Variants in GPC6 observed in about 807,000 individuals in gnomAD.
The protein encoded by GPC6 is glypican 6.
In GPC6, 14 loss-of-function variants were observed where a neutral mutation model predicts 55.2. That is an observed-to-expected ratio of 0.25 (90% CI 0.17 to 0.40). The LOEUF (loss-of-function observed/expected upper bound fraction) is 0.40, where lower values mean the gene tolerates loss of function less well. GPC6 is among the 10% of genes least tolerant of loss of function. The pLI, the probability that GPC6 is intolerant of heterozygous loss-of-function variation, is 1.00. For missense variants in GPC6, 641 were observed against 708.5 expected (o/e 0.90, Z 1.08); for synonymous variants, 278 against 259.6 (o/e 1.07, Z -0.68).
intron 4 of GPC6, among the ~76,000 whole-genome samples, chr13:94,246,998 T>C (rs1891217037): frequency 6.6e-6 from 1 of 152,136 alleles, no homozygotes; most frequent in Non-Finnish European, 1.5e-5. Flanking sequence ...GCATCGAATA[T>C]CTTTTCATTT....
intron 1 of GPC6, among the ~76,000 whole-genome samples, chr13:93,454,675 A>G (rs1398240569): frequency 6.6e-6 from 1 of 152,196 alleles, no homozygotes; most frequent in African/African-American, 2.4e-5. Context: ...TGAGCTAGAC[A>G]TAAAGGTTCT....
intron 6 of GPC6, among the ~76,000 whole-genome samples, chr13:94,318,981 T>A (rs1013344961): frequency 6.6e-6 from 1 of 152,144 alleles, no homozygotes; most frequent in Non-Finnish European, 1.5e-5. Context: ...TTTAAATGTG[T>A]CTCTTATAAA....
At chr13:93,486,943 C>CA (rs11345084) in intron 1 of GPC6, among the ~76,000 whole-genome samples, 40 of 134,932 alleles carry the variant, frequency 3.0e-4, no homozygotes, top group Admixed American at 4.4e-4. Flanking sequence ...GACTCCATCT[C>CA]AAAAAAAAAA....
chr13:94,180,303 G>A (rs771127853), intron 4 of GPC6, among the ~76,000 whole-genome samples: 3 of 152,098 alleles, frequency 2.0e-5, no homozygotes, highest in African/African-American at 4.8e-5. Context: ...TAAGACATAC[G>A]TTCTTTGGTT....
intron 6 of GPC6, among the ~76,000 whole-genome samples, chr13:94,326,587 A>G (rs1877127446): frequency 6.6e-6 from 1 of 152,214 alleles, no homozygotes; most frequent in South Asian, 2.1e-4. Context: ...CCCCACGTAA[A>G]TACAGCCTCC....
chr13:94,267,754 T>A (rs1891863039), intron 4 of GPC6, among the ~76,000 whole-genome samples: 2 of 152,232 alleles, frequency 1.3e-5, no homozygotes, highest in Non-Finnish European at 2.9e-5. Context: ...TTTTGTTATG[T>A]TAAGTGCTTT....
chr13:94,301,101 C>T (rs1319465826), intron 5 of GPC6, among the ~76,000 whole-genome samples: 2 of 152,164 alleles, frequency 1.3e-5, no homozygotes, highest in African/African-American at 4.8e-5. Flanking sequence ...TGTCATCCTC[C>T]CTGTCAATGA....
At chr13:94,238,205 A>G (rs1890939093) in intron 4 of GPC6, among the ~76,000 whole-genome samples, 1 of 152,124 alleles carries the variant, frequency 6.6e-6, no homozygotes, top group South Asian at 2.1e-4. Flanking sequence ...TCAAGTGGGC[A>G]TTGGATAAAT....
At chr13:93,585,267 C>T (rs1182091566) in intron 2 of GPC6, among the ~76,000 whole-genome samples, 1 of 152,028 alleles carries the variant, frequency 6.6e-6, no homozygotes, top group Non-Finnish European at 1.5e-5. Flanking sequence ...ATCTCTTTTT[C>T]TCAGGAAAGT....
Position 93,227,654 on chromosome 13 carries a change from T to C in GPC6, c.160+38T>C. 1 of 1,532,262 alleles carries C rather than the reference T, an allele frequency of 6.5e-7. No homozygotes were observed. Among genetic ancestry groups the C allele is most frequent in the Non-Finnish European group, 8.8e-7 (1 of 1,134,218 alleles). 94.9% of individuals were successfully genotyped at this position (1,532,262 alleles called of 1,614,324 possible). A position where few individuals can be genotyped will look rare whatever the true frequency, so the allele number is the denominator to read the frequency against. ...GCGCTGCAGGGGCAGGCTGCAGCCCTCGGCTGCCGCACGTCCCACTGGCCG... is the reference window on the plus strand; with the variant it reads ...GCGCTGCAGGGGCAGGCTGCAGCCCCCGGCTGCCGCACGTCCCACTGGCCG... On this transcript the variant is annotated intron_variant, in intron 1 of 8. Transcript: ENST00000377047. This position sits in a 1 kb window ranked among gnomAD's most constrained non-coding sequence, Gnocchi z 4.3.
chr13:93,472,443 C>T (rs145202370), intron 1 of GPC6, among the ~76,000 whole-genome samples: 35 of 152,296 alleles, frequency 2.3e-4, no homozygotes, highest in East Asian at 1.9e-3. Context: ...GCTGTAGACA[C>T]GCTGGCTGCT....
At chr13:93,976,413 C>A (rs1273499115) in intron 3 of GPC6, among the ~76,000 whole-genome samples, 3 of 151,548 alleles carry the variant, frequency 2.0e-5, no homozygotes, top group Non-Finnish European at 2.9e-5. Context: ...TCAAACATTG[C>A]TAGATAAGAA....
intron 3 of GPC6, among the ~76,000 whole-genome samples, chr13:93,976,939 T>C (rs1880545385): frequency 6.6e-6 from 1 of 152,134 alleles, no homozygotes; most frequent in Admixed American, 6.6e-5. Flanking sequence ...AAACAAGTCG[T>C]ACTTCACATT....
intron 3 of GPC6, among the ~76,000 whole-genome samples, chr13:93,856,760 T>G (rs74108898): frequency 1.3e-5 from 2 of 151,518 alleles, no homozygotes; most frequent in African/African-American, 4.8e-5. Context: ...AAATAAGCAC[T>G]TTGGAGAAAC....
rs377533374 is a variant in GPC6, at chr13:93,515,934, AT to A, written c.161-29328del. ...CGCAGAAAGCCAAGGAAAATAGTAA[AT>A]ATCTAGCAAAACTCACATAGTGGCT... On this transcript the variant is annotated intron_variant, in intron 1 of 8. Coordinates refer to ENST00000377047, the MANE Select transcript of GPC6 (RefSeq NM_005708.5). Among the ~76,000 whole-genome samples the A allele has an allele frequency of 4.9e-4, 75 of 152,294 alleles. No individual in the cohort carries two copies. In the East Asian group the frequency reaches 0.013, roughly 27 times the overall value.
chr13:93,842,336 GAA>G (rs1887982938), intron 3 of GPC6, among the ~76,000 whole-genome samples: 1 of 152,068 alleles, frequency 6.6e-6, no homozygotes, highest in African/African-American at 2.4e-5. Flanking sequence ...TCGGTAGAGA[GAA>G]GATAACTATA....
chr13:93,330,149 C>T (rs938417689), intron 1 of GPC6, among the ~76,000 whole-genome samples: 4 of 152,178 alleles, frequency 2.6e-5, no homozygotes, highest in Non-Finnish European at 5.9e-5. Flanking sequence ...GAATGTCTTG[C>T]ATTTCCTTGG....
At chr13:93,552,251 C>G (rs1471020080) in intron 2 of GPC6, among the ~76,000 whole-genome samples, 1 of 152,158 alleles carries the variant, frequency 6.6e-6, no homozygotes, top group East Asian at 1.9e-4. Flanking sequence ...GGCAGATCTT[C>G]CAAAAATAAA....
At chr13:94,345,120 C>T (rs928887709) in intron 6 of GPC6, among the ~76,000 whole-genome samples, 4 of 152,182 alleles carry the variant, frequency 2.6e-5, no homozygotes, top group Non-Finnish European at 5.9e-5. Context: ...ACGTTTGAAG[C>T]AGATAATAAA....
Sources: gnomAD v4.1 joint callset for allele counts (sites outside exome capture counted in the v4.1 genomes callset) on GRCh38, gnomAD v4.1.1 for gene constraint, Gnocchi (gnomAD v3.1) non-coding constraint, MANE v1.5 for transcripts, NCBI Gene and HGNC (gene_info 2026-07-23, HGNC 2026-07-21) for gene names.